PRUNE2: variants seen among roughly 807,000 people sequenced by gnomAD.
The protein encoded by PRUNE2 is protein prune homolog 2.
In PRUNE2, 164 loss-of-function variants were observed where a neutral mutation model predicts 252.0. The observed-to-expected ratio is 0.65, with a 90% CI of 0.57 to 0.74. The LOEUF (loss-of-function observed/expected upper bound fraction) is 0.74, where lower values mean the gene tolerates loss of function less well. PRUNE2 is among the 30% of genes least tolerant of loss of function. PRUNE2 has a pLI of 0.00. For synonymous variants in PRUNE2, 1,292 were observed against 1,350.2 expected, an observed-to-expected ratio of 0.96 and a Z score of 0.94; for missense variants, 3,495 against 3,711.0, an observed-to-expected ratio of 0.94 and a Z score of 1.51.
At chr9:76,676,620 G>A (rs915303387) in intron 9 of PRUNE2, among the ~76,000 whole-genome samples, 4 of 152,030 alleles carry the variant, frequency 2.6e-5, no homozygotes, top group African/African-American at 9.7e-5. Context: ...TTTAAAATAT[G>A]AACATGTGGC....
chr9:76,701,165 T>C (rs11145011), intron 9 of PRUNE2, among the ~76,000 whole-genome samples: 27,394 of 152,094 alleles, frequency 0.18, 2,871 homozygotes, highest in East Asian at 0.49. Context: ...AGCCGATAAT[T>C]TGCATTTCTA....
At chr9:76,842,602 T>A (rs1282241594) in intron 4 of PRUNE2, among the ~76,000 whole-genome samples, 3 of 152,026 alleles carry the variant, frequency 2.0e-5, no homozygotes, top group African/African-American at 7.3e-5. Flanking sequence ...AGGGCTAATA[T>A]CCAGAATCTA....
In PRUNE2 at chr9:76,774,473, T is replaced by A. The variant is rs796170133; in HGVS notation, c.756+49159A>T. On this transcript the variant is annotated intron_variant, in intron 6 of 18. Coordinates refer to ENST00000376718, the MANE Select transcript of PRUNE2 (RefSeq NM_015225.3). ...CCCTTTTTTTTTTTTTTTTTTTTTT[T>A]TTTTGAGATGGAGTCTCACTTCTTG... Among the ~76,000 whole-genome samples, 1,089 of 146,936 alleles carry A rather than the reference T, an allele frequency of 7.4e-3. 21 individuals carry two copies. Among genetic ancestry groups the A allele is most frequent in the South Asian group, 0.024 (109 of 4,516 alleles).
At chr9:76,683,460 CATA>C (rs1278853674) in intron 9 of PRUNE2, among the ~76,000 whole-genome samples, 2 of 152,194 alleles carry the variant, frequency 1.3e-5, no homozygotes, top group Non-Finnish European at 2.9e-5. Context: ...CTTAGGTTTT[CATA>C]ATATGAGCCA....
chr9:76,700,756 G>A (rs987821816), intron 9 of PRUNE2, among the ~76,000 whole-genome samples: 1 of 152,156 alleles, frequency 6.6e-6, no homozygotes, highest in Non-Finnish European at 1.5e-5. Flanking sequence ...GTGTCTGACA[G>A]AGAATAAGCC....
At chr9:76,804,297 T>C (rs1374041222) in intron 6 of PRUNE2, among the ~76,000 whole-genome samples, 1 of 152,210 alleles carries the variant, frequency 6.6e-6, no homozygotes, top group Non-Finnish European at 1.5e-5. Flanking sequence ...TTGCCCAGGC[T>C]TCGGTTGACC....
intron 1 of PRUNE2, chr9:76,862,261 A>G (rs2060594543): frequency 6.6e-6 from 1 of 152,296 alleles, no homozygotes; most frequent in Non-Finnish European, 1.5e-5. Context: ...TCTACTAAAA[A>G]TACAAAATTA....
At chr9:76,805,317 T>C (rs2056857708) in intron 6 of PRUNE2, among the ~76,000 whole-genome samples, 1 of 152,122 alleles carries the variant, frequency 6.6e-6, no homozygotes, top group South Asian at 2.1e-4. Flanking sequence ...GAATACTACA[T>C]TGTTTTAGTA....
At chr9:76,642,002 A>T (rs996061373) in intron 12 of PRUNE2, 293 of 207,168 alleles carry the variant, frequency 1.4e-3, no homozygotes, top group Non-Finnish European at 2.0e-3. Flanking sequence ...TAAGAGAAGT[A>T]AAAAAAAAAA....
intron 6 of PRUNE2, among the ~76,000 whole-genome samples, chr9:76,727,805 C>T (rs998458627): frequency 4.1e-5 from 6 of 146,552 alleles, no homozygotes; most frequent in Non-Finnish European, 8.9e-5. Flanking sequence ...ACCTCTGCCC[C>T]CAGGTTCAAG....
intron 6 of PRUNE2, chr9:76,759,566 G>C (rs1210021657): frequency 6.6e-6 from 1 of 152,220 alleles, no homozygotes; most frequent in Admixed American, 6.5e-5. Flanking sequence ...ATTTGGAGAG[G>C]AGAGTGGCTG....
intron 9 of PRUNE2, among the ~76,000 whole-genome samples, chr9:76,702,063 C>CATT (rs2045929117): frequency 7.0e-6 from 1 of 142,064 alleles, no homozygotes; most frequent in African/African-American, 2.6e-5. Flanking sequence ...TCTTTTCTCG[C>CATT]TTTTTTTTTT....
At chr9:76,674,027 T>A (rs1034831882) in intron 9 of PRUNE2, among the ~76,000 whole-genome samples, 24 of 152,094 alleles carry the variant, frequency 1.6e-4, no homozygotes, top group African/African-American at 5.3e-4. Flanking sequence ...CCACCTCTAT[T>A]CAACATAGTG....
chr9:76,821,558 T>C (rs1488455307), intron 6 of PRUNE2, among the ~76,000 whole-genome samples: 1 of 152,114 alleles, frequency 6.6e-6, no homozygotes, highest in African/African-American at 2.4e-5. Context: ...GTTTTTTTTT[T>C]CCACTTCTCA....
At chr9:76,897,087 C>G (rs1386493420) in intron 1 of PRUNE2, among the ~76,000 whole-genome samples, 1 of 152,158 alleles carries the variant, frequency 6.6e-6, no homozygotes. Context: ...AGCAGGATTT[C>G]AGTAACATTG....
rs544125637 is a variant in PRUNE2, at chr9:76,644,807, A to G, written c.8660T>C (p.Ile2887Thr). 12 of 1,613,890 alleles carry G rather than the reference A, an allele frequency of 7.4e-6. No homozygotes were observed. In the Admixed American group the frequency reaches 8.3e-5, roughly 11 times the overall value. Residue 2887 changes from isoleucine to threonine, a missense_variant, in exon 12 of 19, where the codon ATT (isoleucine) becomes ACT (threonine). Coordinates refer to ENST00000376718, the MANE Select transcript of PRUNE2 (RefSeq NM_015225.3). ...EDNRLWRTVVIGEQEQRIDMK... is the reference protein window; with the variant it reads ...EDNRLWRTVVTGEQEQRIDMK... ...GTCAATGCGCTGCTCTTGTTCTCCA[A>G]TGACCACTGTCCTCCAAAGCCGGTT...
rs750763187 is a variant in PRUNE2, at chr9:76,823,692, T to C, written c.696A>G (p.Leu232=). ...LSIEQTMLKD[L]KELSDGEIKV... is the part of the protein sequence containing the mutation. The stretch of plus-strand genomic sequence containing the variant: ...TTATTTCTCCATCTGACAGCTCCTT[T>C]AGATCTTTCAACATTGTCTGTTCAA... Residue 232 remains leucine, a synonymous_variant, in exon 6 of 19, where the codon CTA becomes CTG. Transcript: ENST00000376718. 8 of 1,611,520 alleles carry C rather than the reference T, an allele frequency of 5.0e-6. No homozygotes were observed. The highest frequency in any genetic ancestry group is 6.8e-6 in the Non-Finnish European group (8 of 1,177,820).
Position 76,706,251 on chromosome 9 carries a change from A to G in PRUNE2, c.6023T>C (p.Met2008Thr). ...WEQEKSYLGE[M>T]TNSSIATENF... is the part of the protein sequence containing the mutation. ...TTCTGTGGCAATGCTTGAATTTGTC[A>G]TCTCACCTAGGTATGATTTTTCTTG... The change falls in exon 8 of 19, where the codon ATG becomes ACG. Residue 2008 changes from methionine (M) to threonine (T), a missense_variant. Transcript: ENST00000376718. 1 of 1,613,962 alleles carries G rather than the reference A, an allele frequency of 6.2e-7. No individual in the cohort carries two copies. Among genetic ancestry groups the G allele is most frequent in the Non-Finnish European group, 8.5e-7 (1 of 1,179,878 alleles).
rs369162363 is a variant in PRUNE2, at chr9:76,841,247, A to G, written c.508+5268T>C. Among the ~76,000 whole-genome samples the G allele has an allele frequency of 2.4e-3, 361 of 152,264 alleles. 2 individuals are homozygous for G. The highest frequency in any genetic ancestry group is 8.1e-3 in the African/African-American group (338 of 41,558). ...CTCCCTCCCCTAGCCAAGGGAAGCC[A>G]TGAGGGACCATGCCATGAGGAACGG... On this transcript the variant is annotated intron_variant, in intron 4 of 18. Coordinates refer to ENST00000376718, the MANE Select transcript of PRUNE2 (RefSeq NM_015225.3).
Sources: gnomAD v4.1 joint callset for allele counts (sites outside exome capture counted in the v4.1 genomes callset) on GRCh38, gnomAD v4.1.1 for gene constraint, MANE v1.5 for transcripts, NCBI Gene and HGNC (gene_info 2026-07-23, HGNC 2026-07-21) for gene names.